LRP1B: variants seen among roughly 807,000 people sequenced by gnomAD.
The protein encoded by LRP1B is LDL receptor related protein 1B, also known as low-density lipoprotein receptor-related protein 1B.
In LRP1B, 217 loss-of-function variants were observed where a neutral mutation model predicts 556.6. The observed-to-expected ratio is 0.39, with a 90% CI of 0.35 to 0.44. The LOEUF is 0.44. LRP1B is among the 20% of genes least tolerant of loss of function. The probability of loss-of-function intolerance (pLI) is 1.00; values close to 1 mark genes in which losing one functional copy is unlikely to be tolerated. For synonymous variants in LRP1B, 2,047 were observed against 1,865.8 expected (o/e 1.10, Z -2.50); for missense variants, 5,053 against 5,620.8 (o/e 0.90, Z 3.23).
intron 1 of LRP1B, among the ~76,000 whole-genome samples, chr2:142,096,958 G>A (rs1204588266): frequency 6.6e-6 from 1 of 151,392 alleles, no homozygotes; most frequent in Admixed American, 6.6e-5. Flanking sequence ...AAAATCTGAT[G>A]GAGTGACTTT....
chr2:141,377,880 A>G (rs1172734226), intron 3 of LRP1B, among the ~76,000 whole-genome samples: 1 of 152,208 alleles, frequency 6.6e-6, no homozygotes, highest in African/African-American at 2.4e-5. Context: ...TGTCTATGCT[A>G]TCACTAAATG....
intron 2 of LRP1B, among the ~76,000 whole-genome samples, chr2:141,518,336 T>C (rs1684400972): frequency 6.6e-6 from 1 of 151,950 alleles, no homozygotes; most frequent in Non-Finnish European, 1.5e-5. Flanking sequence ...AAGTCAGAGA[T>C]TTGGTGAGTA....
chr2:140,699,311 T>C (rs1191917747), intron 41 of LRP1B, among the ~76,000 whole-genome samples: 1 of 152,040 alleles, frequency 6.6e-6, no homozygotes, highest in African/African-American at 2.4e-5. Flanking sequence ...AAAAAGCAGT[T>C]AGCTGAATAA....
At chr2:140,491,925 A>T (rs79556455) in intron 57 of LRP1B, among the ~76,000 whole-genome samples, 7,518 of 152,250 alleles carry the variant, frequency 0.049, 229 homozygotes, top group African/African-American at 0.056. Flanking sequence ...CTTAAGCACA[A>T]GGAAAGTCTG....
chr2:141,474,626 T>C (rs1682630817), intron 3 of LRP1B, among the ~76,000 whole-genome samples: 1 of 152,204 alleles, frequency 6.6e-6, no homozygotes, highest in Non-Finnish European at 1.5e-5. Flanking sequence ...TAATCAAATG[T>C]AATTTAAAAG....
intron 2 of LRP1B, among the ~76,000 whole-genome samples, chr2:141,799,605 G>A (rs1574373802): frequency 6.6e-6 from 1 of 152,060 alleles, no homozygotes; most frequent in Non-Finnish European, 1.5e-5. Context: ...CCAGCCTGAG[G>A]GAGTCCTTGA....
intron 2 of LRP1B, among the ~76,000 whole-genome samples, chr2:141,516,220 C>T (rs186439869): frequency 6.1e-4 from 93 of 152,226 alleles, no homozygotes; most frequent in African/African-American, 2.1e-3. Flanking sequence ...GGGACATTTG[C>T]TTTGTACATT....
intron 3 of LRP1B, among the ~76,000 whole-genome samples, chr2:141,391,586 CATG>C (rs2104906427): frequency 6.6e-6 from 1 of 152,104 alleles, no homozygotes; most frequent in East Asian, 1.9e-4. Flanking sequence ...TCTTTAAATC[CATG>C]ATAAGCCATT....
intron 66 of LRP1B, among the ~76,000 whole-genome samples, chr2:140,409,981 T>C (rs1684902697): frequency 6.6e-6 from 1 of 152,044 alleles, no homozygotes; most frequent in African/African-American, 2.4e-5. Flanking sequence ...CAGAGGTAAT[T>C]CAAAAACATG....
intron 2 of LRP1B, among the ~76,000 whole-genome samples, chr2:141,526,288 G>A (rs1379897951): frequency 6.6e-6 from 1 of 151,894 alleles, no homozygotes; most frequent in Non-Finnish European, 1.5e-5. Flanking sequence ...GGTGAGTTAT[G>A]GTCAGACCCA....
At chr2:141,304,687 G>A (rs1686521894) in intron 3 of LRP1B, among the ~76,000 whole-genome samples, 1 of 151,398 alleles carries the variant, frequency 6.6e-6, no homozygotes, top group South Asian at 2.1e-4. Context: ...TTTTAGTAGA[G>A]ATGGGGTTTC....
At chr2:141,459,717 C>T (rs181928045) in intron 3 of LRP1B, among the ~76,000 whole-genome samples, 5 of 152,088 alleles carry the variant, frequency 3.3e-5, no homozygotes, top group African/African-American at 1.2e-4. Context: ...TGTTTTTTGC[C>T]ACCATGTGAG....
intron 86 of LRP1B, among the ~76,000 whole-genome samples, chr2:140,248,514 G>A (rs1343598449): frequency 1.3e-5 from 2 of 151,508 alleles, no homozygotes; most frequent in Non-Finnish European, 3.0e-5. Context: ...TATACATCAT[G>A]TTTATTATAA....
intron 2 of LRP1B, among the ~76,000 whole-genome samples, chr2:141,733,621 C>G (rs1368141397): frequency 6.6e-6 from 1 of 152,088 alleles, no homozygotes; most frequent in Non-Finnish European, 1.5e-5. Context: ...CTTCCTGATC[C>G]ATCTATTGCT....
At chr2:140,560,846 T>C (rs1179356189) in intron 43 of LRP1B, among the ~76,000 whole-genome samples, 1 of 152,126 alleles carries the variant, frequency 6.6e-6, no homozygotes, top group East Asian at 1.9e-4. Flanking sequence ...GACAAAGGTG[T>C]AAAGGCAATT....
intron 1 of LRP1B, among the ~76,000 whole-genome samples, chr2:141,830,629 C>T (rs1294942839): frequency 6.6e-6 from 1 of 151,750 alleles, no homozygotes; most frequent in Non-Finnish European, 1.5e-5. Context: ...TTCAGTGGGA[C>T]AGTCTATAAT....
intron 3 of LRP1B, among the ~76,000 whole-genome samples, chr2:141,397,434 T>C (rs1394779642): frequency 1.3e-5 from 2 of 151,812 alleles, no homozygotes; most frequent in Admixed American, 6.6e-5. Context: ...GCACAACTCA[T>C]AGTATTTCTA....
At chr2:141,909,590 T>A (rs1304206381) in intron 1 of LRP1B, among the ~76,000 whole-genome samples, 1 of 144,096 alleles carries the variant, frequency 6.9e-6, no homozygotes, top group Non-Finnish European at 1.5e-5. Context: ...TTTGTTTAAA[T>A]GAATGAATAG....
chr2:141,074,115 T>G (rs142898775), intron 7 of LRP1B, among the ~76,000 whole-genome samples: 157 of 152,164 alleles, frequency 1.0e-3, no homozygotes, highest in East Asian at 2.7e-3. Flanking sequence ...CACCTAGCAG[T>G]ATCTTTCCTC....
Sources: gnomAD v4.1 joint callset for allele counts (sites outside exome capture counted in the v4.1 genomes callset) on GRCh38, gnomAD v4.1.1 for gene constraint, MANE v1.5 for transcripts, NCBI Gene and HGNC (gene_info 2026-07-23, HGNC 2026-07-21) for gene names.